CEP170: variants seen among roughly 807,000 people sequenced by gnomAD.
CEP170 encodes the protein centrosomal protein 170.
In CEP170, 21 loss-of-function variants were observed where a neutral mutation model predicts 151.9. That is an observed-to-expected ratio of 0.14 (90% confidence interval 0.10 to 0.20). The LOEUF is 0.20. CEP170 is among the 10% of genes least tolerant of loss of function. The pLI is 1.00. For missense variants in CEP170, 964 were observed against 1,892.9 expected, an observed-to-expected ratio of 0.51 and a Z score of 9.11; for synonymous variants, 356 against 648.8, an observed-to-expected ratio of 0.55 and a Z score of 6.86.
intron 4 of CEP170, among the ~76,000 whole-genome samples, chr1:243,201,107 A>T (rs2060998746): frequency 6.6e-6 from 1 of 152,158 alleles, no homozygotes. Context: ...CAGAGCACAG[A>T]GACATTTTCA....
rs1212770861 is a variant in CEP170 at position 243,129,409 on chromosome 1, C to T, written c.4364G>A (p.Ser1455Asn). 4 of 1,597,236 alleles carry T rather than the reference C, an allele frequency of 2.5e-6. No individual in the cohort carries two copies. Among genetic ancestry groups the T allele is most frequent in the Non-Finnish European group, 3.4e-6 (4 of 1,171,240 alleles). ...GACTTCACTTTCGGCTCTTAATTTG[C>T]TTTCTATGTCATCCCAATTCCGATC... ...DKDRNWDDIE[S>N]KLRAESEVPI... The change falls in exon 18 of 20, where the codon AGC (serine) becomes AAC (asparagine). Residue 1455 changes from serine (S) to asparagine (N), a missense_variant. Physicochemically the swap from Ser to Asn is conservative, Grantham distance 46. Coordinates refer to ENST00000366542, the MANE Select transcript of CEP170 (RefSeq NM_014812.3).
At chr1:243,240,859 A>C (rs1277842054) in intron 1 of CEP170, among the ~76,000 whole-genome samples, 1 of 152,000 alleles carries the variant, frequency 6.6e-6, no homozygotes, top group Non-Finnish European at 1.5e-5. Context: ...TGCTTGGCTA[A>C]TTTTTGTATT....
At chr1:243,169,493 T>C (rs1456386121) in intron 12 of CEP170, 135 bp downstream of exon 12, 2 of 1,475,160 alleles carry the variant, frequency 1.4e-6, no homozygotes, top group Non-Finnish European at 1.8e-6. Context: ...CTTCTTACTA[T>C]ATAGATTTGG....
chr1:243,183,046 C>G (rs566010892), intron 10 of CEP170, among the ~76,000 whole-genome samples: 1 of 151,390 alleles, frequency 6.6e-6, no homozygotes. Context: ...GAGATCTCCT[C>G]TTGGAAGCTA....
chr1:243,237,229 AAT>A (rs777308446), intron 1 of CEP170, among the ~76,000 whole-genome samples: 128 of 152,318 alleles, frequency 8.4e-4, no homozygotes, highest in South Asian at 1.4e-3. Context: ...AATTTTTATA[AAT>A]ATCTCTATAC....
intron 12 of CEP170, among the ~76,000 whole-genome samples, chr1:243,168,686 G>T (rs926918976): frequency 1.3e-4 from 20 of 151,760 alleles, no homozygotes; most frequent in African/African-American, 4.8e-4. Flanking sequence ...GTCTAAGTGA[G>T]ATTTTGTACC....
At position 243,213,692 on chromosome 1, in the gene CEP170, T is replaced by C. The variant is rs2062015085; in HGVS notation, c.196-1728A>G. Among the ~76,000 whole-genome samples, 3 of 152,228 alleles carry C rather than the reference T, an allele frequency of 2.0e-5. No homozygotes were observed. The South Asian group carries it at 6.2e-4, about 32-fold the overall frequency. On this transcript the variant is annotated intron_variant, in intron 3 of 19. Transcript: ENST00000366542. ...TATTTTTCAAAAAGAATCTGAATGA[T>C]TTTGGGTTTTGTGGGGGTTTTGTTT... is the stretch of plus-strand genomic sequence containing the variant.
intron 10 of CEP170, chr1:243,176,677 C>T (rs1183729516): frequency 9.3e-6 from 2 of 214,966 alleles, no homozygotes; most frequent in African/African-American, 4.6e-5. Context: ...ATTTTAACAA[C>T]CTGTTACTGA....
At chr1:243,203,133 T>C (rs1300675779) in intron 4 of CEP170, among the ~76,000 whole-genome samples, 2 of 152,188 alleles carry the variant, frequency 1.3e-5, no homozygotes, top group Non-Finnish European at 2.9e-5. Context: ...ATCTGGAGAC[T>C]GCTCTAGCCC....
rs1289393392 is a variant in CEP170 at position 243,208,360 on chromosome 1, C to T, written c.274+3526G>A. On this transcript the variant is annotated intron_variant, in intron 4 of 19. Transcript: ENST00000366542. ...TTTAGATGTATGTCATTTATCACTC[C>T]GATTAAAAAAAAACAAAAACAAAAA... Among the ~76,000 whole-genome samples, 6 of 151,140 alleles carry T rather than the reference C, an allele frequency of 4.0e-5. No homozygotes were observed. The South Asian group carries it at 6.4e-4, about 16-fold the overall frequency.
intron 1 of CEP170, among the ~76,000 whole-genome samples, chr1:243,250,258 G>A (rs1482222522): frequency 6.6e-6 from 1 of 152,234 alleles, no homozygotes; most frequent in Non-Finnish European, 1.5e-5. Flanking sequence ...CCAGGATGGA[G>A]ACATAAGAGT....
At chr1:243,168,825 TGTTC>T (rs2058627406) in intron 12 of CEP170, among the ~76,000 whole-genome samples, 3 of 151,890 alleles carry the variant, frequency 2.0e-5, no homozygotes, top group Non-Finnish European at 4.4e-5. Context: ...TTTATATTTC[TGTTC>T]ACAGAAATAT....
At chr1:243,157,364 T>A (rs1215116009) in intron 13 of CEP170, among the ~76,000 whole-genome samples, 1 of 135,216 alleles carries the variant, frequency 7.4e-6, no homozygotes. Flanking sequence ...TACAAATAAT[T>A]TGTGAAGCAT....
Position 243,200,885 on chromosome 1 carries a change from T to TA in CEP170, c.275-51dup, listed in dbSNP as rs774444900. The TA allele has an allele frequency of 5.1e-6, 8 of 1,571,566 alleles. No homozygotes were observed. The South Asian group carries it at 9.6e-5, about 19-fold the overall frequency. On this transcript the variant is annotated intron_variant, in intron 4 of 19. Transcript: ENST00000366542. ...AACCTCAAATTTCTGATAATTGAGC[T>TA]AAAAATCGTCATCAAATGTAATTTA...
chr1:243,208,813 A>T (rs2061584031), intron 4 of CEP170, among the ~76,000 whole-genome samples: 1 of 152,208 alleles, frequency 6.6e-6, no homozygotes, highest in African/African-American at 2.4e-5. Context: ...AACCCCACTA[A>T]AGTGTAGGCT....
chr1:243,145,278 C>T (rs1464044990), intron 14 of CEP170, among the ~76,000 whole-genome samples: 2 of 152,128 alleles, frequency 1.3e-5, no homozygotes, highest in Admixed American at 6.5e-5. Context: ...AAAAATTTGC[C>T]TTATTATTAT....
At chr1:243,175,897 C>G (rs1004299070) in intron 10 of CEP170, among the ~76,000 whole-genome samples, 1 of 152,090 alleles carries the variant, frequency 6.6e-6, no homozygotes, top group Non-Finnish European at 1.5e-5. Flanking sequence ...CCCGGGTTCA[C>G]GCCATTCTCC....
At chr1:243,248,361 T>G (rs964882114) in intron 1 of CEP170, among the ~76,000 whole-genome samples, 3 of 152,224 alleles carry the variant, frequency 2.0e-5, no homozygotes, top group Non-Finnish European at 2.9e-5. Context: ...TGGCGCCTTC[T>G]CTTTTGCTCA....
At chr1:243,229,111 C>T (rs1302491475) in intron 1 of CEP170, among the ~76,000 whole-genome samples, 1 of 152,176 alleles carries the variant, frequency 6.6e-6, no homozygotes, top group Non-Finnish European at 1.5e-5. Context: ...TTGGATATTA[C>T]TAACACCCAC....
Sources: allele counts gnomAD v4.1 joint callset (sites outside exome capture counted in the v4.1 genomes callset), GRCh38; gene constraint gnomAD v4.1.1; transcripts MANE v1.5; gene names NCBI Gene and HGNC (gene_info 2026-07-23, HGNC 2026-07-21).